HERC5: variants seen among roughly 807,000 people sequenced by gnomAD.
The protein encoded by HERC5 is HECT and RLD domain containing E3 ubiquitin protein ligase 5.
HERC5 carries 99 observed loss-of-function variants against 119.6 expected under a neutral mutation model. The ratio of observed to expected loss-of-function variants is 0.83; its 90% CI spans 0.70 to 0.98. The LOEUF is 0.98. HERC5 is among the 50% of genes least tolerant of loss of function. The pLI, the probability that HERC5 is intolerant of heterozygous loss-of-function variation, is 0.00. For missense variants in HERC5, 1,267 were observed against 1,241.3 expected, an observed-to-expected ratio of 1.02 and a Z score of -0.31; for synonymous variants, 478 against 445.9, an observed-to-expected ratio of 1.07 and a Z score of -0.91.
chr4:88,505,846 G>T lies in HERC5; in HGVS notation c.3043G>T (p.Glu1015Ter). ...TMETVEEALQEAINNNRGFG is the reference protein window; with the variant it reads ...TMETVEEALQ ...GGAAACAGTTGAAGAAGCGCTTCAA[G>T]AAGCCATCAACAACAACAGAGGATT... Residue 1015 changes from glutamate (E) to a stop codon, truncating the protein, a stop_gained, in exon 23 of 23, where the codon GAA becomes TAA. Transcript: ENST00000264350. LOFTEE classifies it high-confidence loss of function. 1 of 1,612,768 alleles carries T rather than the reference G, an allele frequency of 6.2e-7. No individual in the cohort carries two copies. Among genetic ancestry groups the T allele is most frequent in the Non-Finnish European group, 8.5e-7 (1 of 1,179,426 alleles).
At chr4:88,471,196 C>T (rs1740858520) in intron 10 of HERC5, among the ~76,000 whole-genome samples, 1 of 152,108 alleles carries the variant, frequency 6.6e-6, no homozygotes, top group Admixed American at 6.5e-5. Flanking sequence ...TCTCGAACTC[C>T]TGAGCTCAGG....
At chr4:88,500,263 T>G (rs948959772) in intron 19 of HERC5, among the ~76,000 whole-genome samples, 1 of 152,180 alleles carries the variant, frequency 6.6e-6, no homozygotes, top group Non-Finnish European at 1.5e-5. Flanking sequence ...GTGGTATCAC[T>G]CACATGCCCA....
chr4:88,469,308 C>A (rs1740784496), intron 9 of HERC5, 48 bp downstream of exon 9: 2 of 1,286,748 alleles, frequency 1.6e-6, no homozygotes, highest in South Asian at 1.2e-5. Context: ...TCTCAAGTAT[C>A]ATTTCCCAAA....
intron 4 of HERC5, 43 bp downstream of exon 4, chr4:88,462,399 T>C (rs1404884412): frequency 1.3e-6 from 2 of 1,513,022 alleles, no homozygotes; most frequent in Non-Finnish European, 1.8e-6. Context: ...ACAGATATAC[T>C]TGTTAGATGA....
chr4:88,480,946 T>A (rs980908967), intron 13 of HERC5, among the ~76,000 whole-genome samples: 1 of 152,200 alleles, frequency 6.6e-6, no homozygotes. Context: ...TCCTAGTCTT[T>A]TGCTTTATGG....
intron 20 of HERC5, 53 bp from the exon 21 acceptor site, chr4:88,504,179 C>G: frequency 8.4e-7 from 1 of 1,185,890 alleles, no homozygotes; most frequent in Non-Finnish European, 1.2e-6. Context: ...AGCCCCTCAC[C>G]ATTTTGTTCA....
chr4:88,494,153 T>C lies in HERC5; in HGVS notation c.2278-12T>C, dbSNP rs1444099728. On this transcript the variant is annotated splice_polypyrimidine_tract_variant and intron_variant, in intron 17 of 22. Coordinates refer to ENST00000264350, the MANE Select transcript of HERC5 (RefSeq NM_016323.4). ...ACTCATAATACTTTAAGATTTTTTTTTCGCTTTTCAGCCTAAATTTGAGAA... is the reference window on the plus strand; with the variant it reads ...ACTCATAATACTTTAAGATTTTTTTCTCGCTTTTCAGCCTAAATTTGAGAA... The C allele has an allele frequency of 6.3e-7, 1 of 1,579,198 alleles. No individual in the cohort carries two copies. Among genetic ancestry groups the C allele is most frequent in the Non-Finnish European group, 8.6e-7 (1 of 1,160,966 alleles).
At chr4:88,471,678 G>A (rs1055257636) in intron 10 of HERC5, among the ~76,000 whole-genome samples, 1 of 152,076 alleles carries the variant, frequency 6.6e-6, no homozygotes, top group African/African-American at 2.4e-5. Context: ...TCCATTAGAA[G>A]GTCTTCCATG....
chr4:88,468,328 C>T lies in HERC5; in HGVS notation c.1058-18C>T. 1 of 1,580,634 alleles carries T rather than the reference C, an allele frequency of 6.3e-7. No individual in the cohort carries two copies. Among genetic ancestry groups the T allele is most frequent in the South Asian group, 1.1e-5 (1 of 87,894 alleles). Reference sequence around the variant, plus strand: ...CAAATGACTTTCTAAAACTCTTACTCTTTGTGCATCCTTTCAGAAAGCCAT... The same window carrying T: ...CAAATGACTTTCTAAAACTCTTACTTTTTGTGCATCCTTTCAGAAAGCCAT... On this transcript the variant is annotated intron_variant, in intron 7 of 22. Transcript: ENST00000264350.
At chr4:88,465,615 C>A (rs755613359) in intron 6 of HERC5, among the ~76,000 whole-genome samples, 2 of 152,194 alleles carry the variant, frequency 1.3e-5, no homozygotes, top group Non-Finnish European at 2.9e-5. Flanking sequence ...TTCTTCATTA[C>A]ATACAGTCCT....
At chr4:88,471,564 C>G (rs1468013212) in intron 10 of HERC5, among the ~76,000 whole-genome samples, 1 of 152,002 alleles carries the variant, frequency 6.6e-6, no homozygotes, top group African/African-American at 2.4e-5. Context: ...TGGTCTTGAA[C>G]TCCTGGCCTC....
chr4:88,469,206 C>G lies in HERC5; in HGVS notation c.1184C>G (p.Thr395Ser). The G allele has an allele frequency of 1.9e-6, 3 of 1,613,392 alleles. No individual in the cohort carries two copies. The highest frequency in any genetic ancestry group is 2.2e-5 in the South Asian group (2 of 91,058). ...KRTIPTLNEGTVKRWIADVET... is the reference protein window; with the variant it reads ...KRTIPTLNEGSVKRWIADVET... ...ACAATTCCTACTCTGAATGAAGGGA[C>G]TGTAAAGAGATGGATTGCTGATGTG... The change falls in exon 9 of 23, where the codon ACT (threonine) becomes AGT (serine). Residue 395 changes from threonine to serine, a missense_variant. Transcript: ENST00000264350.
chr4:88,470,701 T>A, intron 10 of HERC5, 28 bp downstream of exon 10: 1 of 1,019,916 alleles, frequency 9.8e-7, no homozygotes, highest in Non-Finnish European at 1.5e-6. Context: ...TTAATTGTAT[T>A]AAATTGTATT....
intron 4 of HERC5, among the ~76,000 whole-genome samples, chr4:88,462,870 A>G (rs911910494): frequency 1.3e-5 from 2 of 152,216 alleles, no homozygotes; most frequent in African/African-American, 2.4e-5. Flanking sequence ...CCATTATTGA[A>G]CAAAGCTGAT....
chr4:88,500,847 GT>G, intron 19 of HERC5, 67 bp from the exon 20 acceptor site: 1 of 1,160,356 alleles, frequency 8.6e-7, no homozygotes, highest in South Asian at 1.4e-5. Flanking sequence ...GCTCCAAAGT[GT>G]TTTTATTGAT....
At position 88,486,324 on chromosome 4, in the gene HERC5, A is replaced by C. The variant is rs1488262664; in HGVS notation, c.1851+96A>C. The C allele has an allele frequency of 1.0e-5, 7 of 691,374 alleles. No individual in the cohort carries two copies. The East Asian group carries it at 1.9e-4, about 19-fold the overall frequency. The allele number at this position is 691,374 out of a possible 1,614,324, so 42.8% of individuals were successfully genotyped here. A position where few individuals can be genotyped will look rare whatever the true frequency, so the allele number is the denominator to read the frequency against. On this transcript the variant is annotated intron_variant, in intron 14 of 22. Coordinates refer to ENST00000264350, the MANE Select transcript of HERC5 (RefSeq NM_016323.4). ...AAAATTGCACAATAGAAATAGCAGG[A>C]CTTGTGGGAAACATTAAGACTCCTC...
intron 18 of HERC5, among the ~76,000 whole-genome samples, chr4:88,497,993 C>A (rs1578067456): frequency 6.6e-6 from 1 of 152,208 alleles, no homozygotes; most frequent in Non-Finnish European, 1.5e-5. Context: ...TGCATTCTGG[C>A]ACAGTGCTCC....
intron 20 of HERC5, among the ~76,000 whole-genome samples, chr4:88,501,991 G>T (rs1374372049): frequency 6.6e-6 from 1 of 152,074 alleles, no homozygotes; most frequent in Non-Finnish European, 1.5e-5. Context: ...GTAGAGACAG[G>T]GTTTCACCGT....
At chr4:88,474,799 G>T (rs932914200) in intron 11 of HERC5, among the ~76,000 whole-genome samples, 1 of 152,104 alleles carries the variant, frequency 6.6e-6, no homozygotes, top group African/African-American at 2.4e-5. Context: ...GTGTTAGGGA[G>T]AAACTATAAT....
Sources: allele counts gnomAD v4.1 joint callset (sites outside exome capture counted in the v4.1 genomes callset), GRCh38; gene constraint gnomAD v4.1.1; transcripts MANE v1.5; gene names NCBI Gene and HGNC (gene_info 2026-07-23, HGNC 2026-07-21).